Variants in IMMP2L observed in about 807,000 individuals in gnomAD.
IMMP2L encodes inner mitochondrial membrane peptidase subunit 2.
A neutral mutation model predicts 19.3 loss-of-function variants in IMMP2L; 18 were observed. The observed-to-expected ratio is 0.93, with a 90% CI of 0.64 to 1.38. The LOEUF (loss-of-function observed/expected upper bound fraction) is 1.38. Ranked by LOEUF, IMMP2L falls within the 40% of genes most tolerant of loss-of-function variation. IMMP2L has a pLI of 0.00. For synonymous variants in IMMP2L, 76 were observed against 73.0 expected, an observed-to-expected ratio of 1.04 and a Z score of -0.21; for missense variants, 233 against 218.2, an observed-to-expected ratio of 1.07 and a Z score of -0.43.
At chr7:111,100,758 A>G (rs1156828766) in intron 3 of IMMP2L, among the ~76,000 whole-genome samples, 3 of 151,472 alleles carry the variant, frequency 2.0e-5, no homozygotes, top group Non-Finnish European at 4.4e-5. Flanking sequence ...TCATGGTTGA[A>G]TTCCAGGAGG....
chr7:110,815,409 A>T (rs1469240918), intron 5 of IMMP2L, among the ~76,000 whole-genome samples: 1 of 152,022 alleles, frequency 6.6e-6, no homozygotes, highest in Non-Finnish European at 1.5e-5. Context: ...TTCATCAAGG[A>T]TATTGGTCTA....
intron 3 of IMMP2L, among the ~76,000 whole-genome samples, chr7:111,472,777 T>C (rs906992511): frequency 2.0e-5 from 3 of 152,110 alleles, no homozygotes; most frequent in Non-Finnish European, 2.9e-5. Context: ...ATGGTAGTTA[T>C]TTCCTTTGTA....
At chr7:111,030,265 A>G (rs908246955) in intron 3 of IMMP2L, among the ~76,000 whole-genome samples, 3 of 151,988 alleles carry the variant, frequency 2.0e-5, no homozygotes, top group Non-Finnish European at 4.4e-5. Flanking sequence ...ATCATCTAAA[A>G]TTTTTTTAAA....
intron 3 of IMMP2L, among the ~76,000 whole-genome samples, chr7:111,187,655 T>C (rs568729547): frequency 1.6e-4 from 24 of 152,266 alleles, no homozygotes; most frequent in African/African-American, 5.8e-4. Flanking sequence ...GTAATAATAA[T>C]CATTATGATG....
At chr7:111,119,821 A>G (rs1332838541) in intron 3 of IMMP2L, among the ~76,000 whole-genome samples, 1 of 152,170 alleles carries the variant, frequency 6.6e-6, no homozygotes, top group Non-Finnish European at 1.5e-5. Flanking sequence ...TGCCTGGTGA[A>G]GGAAAGGATC....
chr7:110,984,198 A>G (rs896608846), intron 3 of IMMP2L, among the ~76,000 whole-genome samples: 1 of 152,016 alleles, frequency 6.6e-6, no homozygotes, highest in African/African-American at 2.4e-5. Flanking sequence ...GTTTAGAAAG[A>G]AACAGAGACA....
intron 4 of IMMP2L, among the ~76,000 whole-genome samples, chr7:110,958,391 A>C (rs1284466743): frequency 6.6e-6 from 1 of 152,196 alleles, no homozygotes; most frequent in East Asian, 1.9e-4. Flanking sequence ...GATGTTCATT[A>C]AAGCATTTTG....
intron 3 of IMMP2L, among the ~76,000 whole-genome samples, chr7:111,112,867 T>C (rs1188190187): frequency 6.6e-6 from 1 of 152,116 alleles, no homozygotes; most frequent in Non-Finnish European, 1.5e-5. Context: ...CACCCGAAAA[T>C]GTGGTGCTAT....
chr7:110,776,001 G>A lies in IMMP2L; in HGVS notation c.408+110592C>T, dbSNP rs544183918. Among the ~76,000 whole-genome samples, 10 of 151,914 alleles carry A rather than the reference G, an allele frequency of 6.6e-5. No homozygotes were observed. The South Asian group carries it at 2.1e-3, about 32-fold the overall frequency. On this transcript the variant is annotated intron_variant, in intron 5 of 5. Coordinates refer to ENST00000405709, the MANE Select transcript of IMMP2L (RefSeq NM_032549.4). ...CATGAAAAATAACTTATTGAGGAAGGAACTTATAAACCTCAAAATATAGTT... is the reference window on the plus strand; with the variant it reads ...CATGAAAAATAACTTATTGAGGAAGAAACTTATAAACCTCAAAATATAGTT...
At chr7:110,966,560 A>G (rs1367663289) in intron 3 of IMMP2L, among the ~76,000 whole-genome samples, 1 of 152,060 alleles carries the variant, frequency 6.6e-6, no homozygotes, top group Admixed American at 6.6e-5. Context: ...ATATTTTAAA[A>G]TAATCTATAT....
intron 3 of IMMP2L, among the ~76,000 whole-genome samples, chr7:111,236,662 TC>T (rs1418619466): frequency 6.6e-6 from 1 of 152,100 alleles, no homozygotes; most frequent in Admixed American, 6.6e-5. Flanking sequence ...GCATCTTCTC[TC>T]CAGTCAGTAC....
At chr7:110,715,149 A>G (rs1017246768) in intron 5 of IMMP2L, among the ~76,000 whole-genome samples, 2 of 151,030 alleles carry the variant, frequency 1.3e-5, no homozygotes, top group African/African-American at 4.9e-5. Context: ...GCTTATTTGG[A>G]TCTTCTCTCT....
chr7:110,800,698 A>C (rs1801178494), intron 5 of IMMP2L, among the ~76,000 whole-genome samples: 1 of 152,074 alleles, frequency 6.6e-6, no homozygotes, highest in Admixed American at 6.6e-5. Flanking sequence ...CAGCATTTTT[A>C]TTCATTGTGG....
At chr7:111,506,878 G>T (rs1844962097) in intron 2 of IMMP2L, among the ~76,000 whole-genome samples, 1 of 152,118 alleles carries the variant, frequency 6.6e-6, no homozygotes, top group Non-Finnish European at 1.5e-5. Flanking sequence ...GTCTCACGGT[G>T]TCACCCAGGC....
At chr7:111,442,884 C>T (rs1232343889) in intron 3 of IMMP2L, among the ~76,000 whole-genome samples, 2 of 151,852 alleles carry the variant, frequency 1.3e-5, no homozygotes, top group Admixed American at 1.3e-4. Flanking sequence ...CCAAATTGAG[C>T]TGGTTTGGAC....
At chr7:111,521,270 A>C in intron 2 of IMMP2L, 43 bp downstream of exon 2, 1 of 1,574,790 alleles carries the variant, frequency 6.4e-7, no homozygotes, top group Non-Finnish European at 8.6e-7. Flanking sequence ...CTTGAAAAAC[A>C]ATGAAGTATG....
chr7:110,975,459 A>G (rs1364802625), intron 3 of IMMP2L, among the ~76,000 whole-genome samples: 3 of 152,142 alleles, frequency 2.0e-5, no homozygotes, highest in African/African-American at 7.2e-5. Flanking sequence ...GCTGTTTTGA[A>G]TGGCTATTTC....
At chr7:111,077,787 T>C (rs958368607) in intron 3 of IMMP2L, among the ~76,000 whole-genome samples, 12 of 152,228 alleles carry the variant, frequency 7.9e-5, no homozygotes, top group Non-Finnish European at 1.8e-4. Flanking sequence ...ATCTCATCCC[T>C]GGTCACCATT....
chr7:111,290,586 C>T (rs912268788), intron 3 of IMMP2L, among the ~76,000 whole-genome samples: 2 of 151,896 alleles, frequency 1.3e-5, no homozygotes, highest in Admixed American at 6.6e-5. Flanking sequence ...GTAGTGTGTG[C>T]CAAGCTGCCA....
Sources: allele counts gnomAD v4.1 joint callset (sites outside exome capture counted in the v4.1 genomes callset), GRCh38; gene constraint gnomAD v4.1.1; transcripts MANE v1.5; gene names NCBI Gene and HGNC (gene_info 2026-07-23, HGNC 2026-07-21).